KIF26B: variants seen among roughly 807,000 people sequenced by gnomAD.
The protein encoded by KIF26B is kinesin family member 26B, also known as kinesin-like protein KIF26B.
KIF26B carries 63 observed loss-of-function variants against 151.2 expected under a neutral mutation model. The observed-to-expected ratio is 0.42, with a 90% CI of 0.34 to 0.51. The LOEUF (loss-of-function observed/expected upper bound fraction) is 0.51, where lower values mean the gene tolerates loss of function less well. KIF26B is among the 20% of genes least tolerant of loss of function. The pLI, the probability that KIF26B is intolerant of heterozygous loss-of-function variation, is 0.07. For missense variants in KIF26B, 2,813 were observed against 2,913.6 expected, an observed-to-expected ratio of 0.97 and a Z score of 0.79; for synonymous variants, 1,357 against 1,262.1, an observed-to-expected ratio of 1.08 and a Z score of -1.59.
At chr1:245,158,926 T>G (rs1668491129) in intron 2 of KIF26B, among the ~76,000 whole-genome samples, 1 of 152,120 alleles carries the variant, frequency 6.6e-6, no homozygotes. Context: ...ATTATACCTT[T>G]AGCATTTGCA....
chr1:245,249,346 G>A (rs1034044439), intron 2 of KIF26B, among the ~76,000 whole-genome samples: 3 of 152,026 alleles, frequency 2.0e-5, no homozygotes, highest in African/African-American at 4.8e-5. Flanking sequence ...TGATCCGCCC[G>A]CCTTGGCTTC....
At chr1:245,279,660 CT>C (rs1292548345) in intron 2 of KIF26B, among the ~76,000 whole-genome samples, 2 of 150,650 alleles carry the variant, frequency 1.3e-5, no homozygotes, top group Non-Finnish European at 3.0e-5. Context: ...ATGCCTGATG[CT>C]TTTTTTTTAT....
chr1:245,156,535 T>TCGGCACAGGCTCCCCGGGCTC lies in KIF26B; in HGVS notation c.323_343dup (p.Thr108_Gly114dup), dbSNP rs764301839. On this transcript the variant is annotated inframe_insertion, in exon 2 of 15. Transcript: ENST00000407071. ...GGCTCCTTGGGCGGCTCTCCGGGCT[T>TCGGCACAGGCTCCCCGGGCTC]CGGCACAGGCTCCCCGGGCTCCGGC... The TCGGCACAGGCTCCCCGGGCTC allele has an allele frequency of 4.8e-5, 73 of 1,535,948 alleles. No individual in the cohort carries two copies. Among genetic ancestry groups the TCGGCACAGGCTCCCCGGGCTC allele is most frequent in the African/African-American group, 2.6e-4 (19 of 71,842 alleles).
At chr1:245,216,030 C>A in intron 2 of KIF26B, 1 of 151,798 alleles carries the variant, frequency 6.6e-6, no homozygotes, top group South Asian at 2.1e-4. Context: ...GAGTTCGAGT[C>A]CAGCCTGGGC....
intron 4 of KIF26B, among the ~76,000 whole-genome samples, chr1:245,457,905 G>A (rs1259106344): frequency 2.0e-5 from 3 of 152,138 alleles, no homozygotes; most frequent in Non-Finnish European, 4.4e-5. Flanking sequence ...CTCTAGGGTG[G>A]AAATGGAATT....
At chr1:245,292,126 C>G (rs1279248168) in intron 2 of KIF26B, among the ~76,000 whole-genome samples, 1 of 152,204 alleles carries the variant, frequency 6.6e-6, no homozygotes, top group Non-Finnish European at 1.5e-5. Flanking sequence ...TCTCCACCAT[C>G]AAAACACTCT....
At position 245,688,112 on chromosome 1, in the gene KIF26B, T is replaced by TGGGCCGCAGCGCCGGGACCTC; in HGVS notation, c.5131_5151dup (p.Gly1711_Ser1717dup). On this transcript the variant is annotated inframe_insertion, in exon 12 of 15. Transcript: ENST00000407071. ...ACCATGCCCCGCGCGGGGAGGAGCCTGGGCCGCAGCGCCGGGACCTCGCCC... is the reference window on the plus strand; with the variant it reads ...ACCATGCCCCGCGCGGGGAGGAGCCTGGGCCGCAGCGCCGGGACCTCGGGCCGCAGCGCCGGGACCTCGCCC... The TGGGCCGCAGCGCCGGGACCTC allele has an allele frequency of 1.3e-6, 2 of 1,563,166 alleles. No homozygotes were observed. Among genetic ancestry groups the TGGGCCGCAGCGCCGGGACCTC allele is most frequent in the Non-Finnish European group, 1.7e-6 (2 of 1,158,474 alleles).
intron 5 of KIF26B, among the ~76,000 whole-genome samples, chr1:245,583,192 C>T (rs761096263): frequency 5.3e-5 from 8 of 152,148 alleles, no homozygotes; most frequent in Non-Finnish European, 1.0e-4. Flanking sequence ...GGGAAGATCC[C>T]GTTGCTGAAT....
intron 4 of KIF26B, among the ~76,000 whole-genome samples, chr1:245,506,333 T>A (rs1319748457): frequency 6.6e-6 from 1 of 152,184 alleles, no homozygotes; most frequent in Non-Finnish European, 1.5e-5. Flanking sequence ...ACTTTACCCA[T>A]CTTAAGTCCT....
At chr1:245,556,904 C>T (rs1662053470) in intron 5 of KIF26B, among the ~76,000 whole-genome samples, 1 of 140,646 alleles carries the variant, frequency 7.1e-6, no homozygotes, top group African/African-American at 3.3e-5. Context: ...TGGCTCACCA[C>T]AGTCATCCCA....
intron 9 of KIF26B, among the ~76,000 whole-genome samples, chr1:245,634,514 T>TTG (rs2043814619): frequency 6.6e-6 from 1 of 152,238 alleles, no homozygotes; most frequent in South Asian, 2.1e-4. Flanking sequence ...TACTTATATA[T>TTG]TGCTGAGGAT....
chr1:245,613,977 C>A (rs12748790), intron 9 of KIF26B, among the ~76,000 whole-genome samples: 23,770 of 152,150 alleles, frequency 0.16, 2,131 homozygotes, highest in East Asian at 0.35. Context: ...TAGCCCCTGG[C>A]AACCACGGAT....
At chr1:245,217,884 A>G (rs927659214) in intron 2 of KIF26B, among the ~76,000 whole-genome samples, 4 of 151,934 alleles carry the variant, frequency 2.6e-5, no homozygotes. Flanking sequence ...TTTGATCATC[A>G]CCAACCTGCC....
At chr1:245,464,669 G>A (rs532161787) in intron 4 of KIF26B, among the ~76,000 whole-genome samples, 1 of 150,122 alleles carries the variant, frequency 6.7e-6, no homozygotes, top group Non-Finnish European at 1.5e-5. Flanking sequence ...TGTGTGTGTG[G>A]GTGTGTGCAT....
chr1:245,557,230 G>T (rs928232903), intron 5 of KIF26B, among the ~76,000 whole-genome samples: 9 of 152,208 alleles, frequency 5.9e-5, no homozygotes, highest in African/African-American at 2.2e-4. Context: ...TATTCATATA[G>T]GTTGACCTTC....
At chr1:245,321,926 C>G (rs1671893395) in intron 2 of KIF26B, among the ~76,000 whole-genome samples, 1 of 152,302 alleles carries the variant, frequency 6.6e-6, no homozygotes, top group Non-Finnish European at 1.5e-5. Flanking sequence ...CACAACTAGA[C>G]TGTGAGAGGA....
intron 2 of KIF26B, among the ~76,000 whole-genome samples, chr1:245,303,942 A>G (rs541247030): frequency 1.8e-4 from 28 of 152,344 alleles, no homozygotes; most frequent in Admixed American, 1.8e-3. Context: ...CCTCCTCCAC[A>G]GAGTAAATGT....
At chr1:245,574,504 T>G (rs2043096685) in intron 5 of KIF26B, among the ~76,000 whole-genome samples, 1 of 152,156 alleles carries the variant, frequency 6.6e-6, no homozygotes, top group Non-Finnish European at 1.5e-5. Context: ...CAAGATGATC[T>G]GAGAGCAGGA....
At chr1:245,510,328 A>T (rs939571260) in intron 4 of KIF26B, among the ~76,000 whole-genome samples, 1 of 152,188 alleles carries the variant, frequency 6.6e-6, no homozygotes, top group African/African-American at 2.4e-5. Flanking sequence ...TCTCATGGGG[A>T]TATATATCTG....
Sources: allele counts gnomAD v4.1 joint callset (sites outside exome capture counted in the v4.1 genomes callset), GRCh38; gene constraint gnomAD v4.1.1; transcripts MANE v1.5; gene names NCBI Gene and HGNC (gene_info 2026-07-23, HGNC 2026-07-21).